UNC5CL: variants seen among roughly 807,000 people sequenced by gnomAD.
UNC5CL encodes the protein unc-5 family C-terminal like.
A neutral mutation model predicts 54.1 loss-of-function variants in UNC5CL; 42 were observed. That is an observed-to-expected ratio of 0.78 (90% CI 0.61 to 1.00). The LOEUF (loss-of-function observed/expected upper bound fraction) is 1.00. Among genes scored for constraint, UNC5CL ranks in the 50% least tolerant of loss-of-function variants. The pLI, the probability that UNC5CL is intolerant of heterozygous loss-of-function variation, is 0.00. For synonymous variants in UNC5CL, 285 were observed against 285.1 expected (o/e 1.00, Z 0.00); for missense variants, 619 against 675.6 (o/e 0.92, Z 0.93).
chr6:41,035,764 G>A (rs1762516398), intron 1 of UNC5CL, among the ~76,000 whole-genome samples: 1 of 152,172 alleles, frequency 6.6e-6, no homozygotes. Flanking sequence ...CCATGGCAGT[G>A]GTAAACTGTC....
In UNC5CL at chr6:41,034,801, T is replaced by C. The variant is rs1762501202; in HGVS notation, c.274A>G (p.Met92Val). The change falls in exon 2 of 9, where the codon ATG becomes GTG. Residue 92 changes from methionine to valine, a missense_variant. By Grantham distance (21) the Met-to-Val change is conservative (BLOSUM62 1). Transcript: ENST00000244565. ...ELHTPTQGQT[M>V]VRQLMHKLLV... Reference sequence around the variant, plus strand: ...AGTTTGTGCATCAACTGGCGGACCATGGTCTGGCCTTGAGTGGGTGTGTGT... The same window carrying C: ...AGTTTGTGCATCAACTGGCGGACCACGGTCTGGCCTTGAGTGGGTGTGTGT... The C allele has an allele frequency of 1.9e-6, 3 of 1,614,208 alleles. No homozygotes were observed. Among genetic ancestry groups the C allele is most frequent in the Non-Finnish European group, 2.5e-6 (3 of 1,180,028 alleles).
At position 41,028,621 on chromosome 6, in the gene UNC5CL, AAGGGTGT is replaced by A; in HGVS notation, c.1335-33_1335-27del. ...CTGGCCCGAGGTAGGGGAGGAAGAG[AAGGGTGT>A]AGGAGCAGGGAGGGGCTCCCCCCCT... On this transcript the variant is annotated intron_variant, in intron 8 of 8. Coordinates refer to ENST00000244565, the MANE Select transcript of UNC5CL (RefSeq NM_173561.3). This position sits in a 1 kb window ranked among gnomAD's most constrained non-coding sequence, Gnocchi z 4.3. The A allele has an allele frequency of 5.6e-6, 9 of 1,607,268 alleles. No homozygotes were observed. The South Asian group carries it at 8.8e-5, about 16-fold the overall frequency.
Position 41,034,765 on chromosome 6 carries a change from A to C in UNC5CL, c.310T>G (p.Ser104Ala). The C allele has an allele frequency of 6.2e-7, 1 of 1,613,728 alleles. No homozygotes were observed. Among genetic ancestry groups the C allele is most frequent in the Non-Finnish European group, 8.5e-7 (1 of 1,180,028 alleles). ...CCGCGGTGATCCACCTCTCGAGCCGAAAACACCAACAGTTTGTGCATCAAC... is the reference window on the plus strand; with the variant it reads ...CCGCGGTGATCCACCTCTCGAGCCGCAAACACCAACAGTTTGTGCATCAAC... ...RQLMHKLLVFSAREVDHRGGC... is the reference protein window; with the variant it reads ...RQLMHKLLVFAAREVDHRGGC... Residue 104 changes from serine to alanine, a missense_variant, in exon 2 of 9, where the codon TCG (serine) becomes GCG (alanine). Physicochemically the swap from Ser to Ala is moderately conservative, Grantham distance 99. Transcript: ENST00000244565.
At chr6:41,035,183 T>C in intron 1 of UNC5CL, 48 bp from the exon 2 acceptor site, 2 of 1,419,898 alleles carry the variant, frequency 1.4e-6, no homozygotes, top group South Asian at 3.0e-5. Context: ...TTTTAAGTTG[T>C]GGAGGTCAAG....
chr6:41,030,446 T>A lies in UNC5CL; in HGVS notation c.1276A>T (p.Thr426Ser), dbSNP rs762835907. The change falls in exon 8 of 9, where the codon ACC (threonine) becomes TCC (serine). Residue 426 changes from threonine (T) to serine (S), a missense_variant. Physicochemically the swap from Thr to Ser is moderately conservative, Grantham distance 58. Coordinates refer to ENST00000244565, the MANE Select transcript of UNC5CL (RefSeq NM_173561.3). Reference sequence around the variant, plus strand: ...GCCAGTCTGCGCCAGTCATTGCCGGTGATGCTGTTTGGCTCCAATAACATC... The same window carrying A: ...GCCAGTCTGCGCCAGTCATTGCCGGAGATGCTGTTTGGCTCCAATAACATC... ...LRMLLEPNSI[T>S]GNDWRRLASH... 1.2e-6 allele frequency: 2 copies of A among 1,614,148 alleles called. No homozygotes were observed. Among genetic ancestry groups the A allele is most frequent in the Non-Finnish European group, 1.7e-6 (2 of 1,180,010 alleles).
At chr6:41,031,928 G>C (rs974783214) in intron 5 of UNC5CL, 108 bp downstream of exon 5, 2 of 1,274,326 alleles carry the variant, frequency 1.6e-6, no homozygotes, top group Non-Finnish European at 2.3e-6. Flanking sequence ...AGGTCTGTGT[G>C]CATGGCTGCA....
intron 2 of UNC5CL, among the ~76,000 whole-genome samples, chr6:41,034,407 T>C (rs1011403405): frequency 6.6e-6 from 1 of 152,186 alleles, no homozygotes; most frequent in Non-Finnish European, 1.5e-5. Context: ...TGCTAGCCCA[T>C]AGTGTGCCTT....
chr6:41,032,519 G>A (rs1368667617), intron 4 of UNC5CL, among the ~76,000 whole-genome samples: 1 of 152,182 alleles, frequency 6.6e-6, no homozygotes, highest in African/African-American at 2.4e-5. Flanking sequence ...AACACTTTCA[G>A]AGGCCGAGAC....
rs773004727 is a variant in UNC5CL, at chr6:41,034,968, G to A, written c.107C>T (p.Pro36Leu). The A allele has an allele frequency of 2.0e-5, 32 of 1,611,872 alleles. No homozygotes were observed. The highest frequency in any genetic ancestry group is 2.6e-5 in the Non-Finnish European group (31 of 1,178,182). ...CCAGCAGGCCCCCAGCAGCCTTCTA[G>A]GGCAGTGCCATCGAAGGCATTGGGC... The part of the protein sequence containing the change: ...LLAQCLRWHC[P>L]RRLLGACWTL... Residue 36 changes from proline to leucine, a missense_variant, in exon 2 of 9, where the codon CCT (proline) becomes CTT (leucine). Coordinates refer to ENST00000244565, the MANE Select transcript of UNC5CL (RefSeq NM_173561.3).
At chr6:41,032,555 T>C (rs978599691) in intron 4 of UNC5CL, among the ~76,000 whole-genome samples, 3 of 152,124 alleles carry the variant, frequency 2.0e-5, no homozygotes, top group Non-Finnish European at 4.4e-5. Flanking sequence ...GGTCAGGGGT[T>C]CGAGACCAGC....
chr6:41,030,584 A>G, intron 7 of UNC5CL, 71 bp downstream of exon 7: 2 of 1,609,284 alleles, frequency 1.2e-6, no homozygotes, highest in Non-Finnish European at 1.7e-6. Context: ...TAAATGCTGT[A>G]GTCACCCTGT....
rs1043142112 is a variant in UNC5CL, at chr6:41,029,059, G to A, written c.1335-464C>T. On this transcript the variant is annotated intron_variant, in intron 8 of 8. Transcript: ENST00000244565. This position sits in a 1 kb window ranked among gnomAD's most constrained non-coding sequence, Gnocchi z 4.1. ...CATGGCTTTTTATCACGACTCTCCC[G>A]TCCACTAAAACCTTCCAGAGTCTCT... 3.3e-5 allele frequency among the ~76,000 whole-genome samples: 5 copies of A among 151,418 alleles called. No homozygotes were observed. The highest frequency in any genetic ancestry group is 6.6e-5 in the Admixed American group (1 of 15,196).
rs79796078 is a variant in UNC5CL at position 41,035,147 on chromosome 6, G to A, written c.-61-12C>T. The A allele has an allele frequency of 0.017, 25,718 of 1,501,360 alleles. 352 individuals are homozygous for A. Among genetic ancestry groups the A allele is most frequent in the South Asian group, 0.036 (2,697 of 74,568 alleles). The allele number at this position is 1,501,360 out of a possible 1,614,324, so 93.0% of individuals were successfully genotyped here. ...CCAAAGCCAAAGGCCTGGTGGGGAA[G>A]AAGGGGTCAGTGTCAGGGTAAGCCC... On this transcript the variant is annotated splice_polypyrimidine_tract_variant and intron_variant, in intron 1 of 8. Coordinates refer to ENST00000244565, the MANE Select transcript of UNC5CL (RefSeq NM_173561.3).
intron 2 of UNC5CL, 88 bp downstream of exon 2, chr6:41,034,602 G>A (rs1346155077): frequency 3.4e-6 from 5 of 1,451,622 alleles, no homozygotes; most frequent in Non-Finnish European, 4.7e-6. Flanking sequence ...GAAGTAAAAG[G>A]TGTCTATGAA....
At position 41,034,674 on chromosome 6, in the gene UNC5CL, A is replaced by G. The variant is rs1238107745; in HGVS notation, c.385+16T>C. The G allele has an allele frequency of 1.3e-6, 2 of 1,597,106 alleles. No homozygotes were observed. Among genetic ancestry groups the G allele is most frequent in the Admixed American group, 1.7e-5 (1 of 59,924 alleles). On this transcript the variant is annotated intron_variant, in intron 2 of 8. Transcript: ENST00000244565. ...CTGACCAACTGTATGCGGAGATGAG[A>G]GCCAGGAGCTGTTACCTGGTGGGAT...
At chr6:41,032,223 G>T in intron 4 of UNC5CL, 86 bp from the exon 5 acceptor site, 1 of 1,116,988 alleles carries the variant, frequency 9.0e-7, no homozygotes, top group Non-Finnish European at 1.3e-6. Context: ...CATGAGGACA[G>T]AACAAAGGCA....
intron 3 of UNC5CL, 100 bp downstream of exon 3, chr6:41,033,781 T>A (rs955431644): frequency 1.5e-6 from 2 of 1,344,920 alleles, no homozygotes; most frequent in African/African-American, 1.5e-5. Flanking sequence ...GACCATCTTC[T>A]ATACAGAGAG....
chr6:41,037,479 T>A (rs936978819), intron 1 of UNC5CL, among the ~76,000 whole-genome samples: 21 of 152,194 alleles, frequency 1.4e-4, no homozygotes, highest in African/African-American at 4.8e-4. Flanking sequence ...ACTACCCACC[T>A]GGAACTGAGG....
Position 41,031,764 on chromosome 6 carries a change from G to A in UNC5CL, c.1052-16C>T, listed in dbSNP as rs1762455023. On this transcript the variant is annotated splice_polypyrimidine_tract_variant and intron_variant, in intron 5 of 8. Coordinates refer to ENST00000244565, the MANE Select transcript of UNC5CL (RefSeq NM_173561.3). Reference sequence around the variant, plus strand: ...TTCTCATCGGCTATAAAGAGAAGGTGACAGCGTGGCCAGTGAGTGAGGAAA... The same window carrying A: ...TTCTCATCGGCTATAAAGAGAAGGTAACAGCGTGGCCAGTGAGTGAGGAAA... The A allele has an allele frequency of 6.2e-7, 1 of 1,613,940 alleles. No individual in the cohort carries two copies. The highest frequency in any genetic ancestry group is 1.7e-5 in the Admixed American group (1 of 60,000).
Sources: allele counts gnomAD v4.1 joint callset (sites outside exome capture counted in the v4.1 genomes callset), GRCh38; gene constraint gnomAD v4.1.1; non-coding constraint Gnocchi (gnomAD v3.1); transcripts MANE v1.5; gene names NCBI Gene and HGNC (gene_info 2026-07-23, HGNC 2026-07-21).